UCKL1: variants seen among roughly 807,000 people sequenced by gnomAD.
The protein encoded by UCKL1 is uridine-cytidine kinase 1 like 1, also known as uridine-cytidine kinase-like 1.
In UCKL1, 65 loss-of-function variants were observed where a neutral mutation model predicts 59.2. The observed-to-expected ratio is 1.10, with a 90% CI of 0.90 to 1.35. UCKL1 has a LOEUF of 1.35. Ranked by LOEUF, UCKL1 falls within the 40% of genes most tolerant of loss-of-function variation. The pLI is 0.00. For synonymous variants in UCKL1, 410 were observed against 323.1 expected, an observed-to-expected ratio of 1.27 and a Z score of -2.88; for missense variants, 703 against 784.3, an observed-to-expected ratio of 0.90 and a Z score of 1.24.
chr20:63,951,767 G>C (rs530194787), intron 1 of UCKL1, among the ~76,000 whole-genome samples: 9 of 151,606 alleles, frequency 5.9e-5, no homozygotes, highest in Non-Finnish European at 8.8e-5. Flanking sequence ...CCACCTCCCC[G>C]CCCAGGGCTC....
chr20:63,943,011 C>T (rs1403898412), intron 8 of UCKL1, among the ~76,000 whole-genome samples: 2 of 152,182 alleles, frequency 1.3e-5, no homozygotes, highest in African/African-American at 4.8e-5. Flanking sequence ...TCAGGAGCCT[C>T]CCAACCCACA....
Position 63,944,624 on chromosome 20 carries a change from C to G in UCKL1, c.765G>C (p.Gln255His). 6.2e-7 allele frequency: 1 copy of G among 1,613,208 alleles called. No individual in the cohort carries two copies. Among genetic ancestry groups the G allele is most frequent in the Non-Finnish European group, 8.5e-7 (1 of 1,179,934 alleles). The change falls in exon 6 of 15, where the codon CAG (glutamine) becomes CAC (histidine). Residue 255 changes from glutamine (Q) to histidine (H), a missense_variant. Physicochemically the swap from Gln to His is conservative, Grantham distance 24. Coordinates refer to ENST00000354216, the MANE Select transcript of UCKL1 (RefSeq NM_017859.4). ...RGRDIEGVIK[Q>H]YNKFVKPSFD... ...AGGAGGGCTTGACAAACTTGTTGTA[C>G]TGCTTGATGACACCCTCGATGTCCC... is the stretch of plus-strand genomic sequence containing the variant.
chr20:63,950,834 G>C lies in UCKL1; in HGVS notation c.114-4191C>G, dbSNP rs1027237512. On this transcript the variant is annotated intron_variant, in intron 1 of 14. Coordinates refer to ENST00000354216, the MANE Select transcript of UCKL1 (RefSeq NM_017859.4). ...AGCTGGGGGGCTGCTCATGGTCGAG[G>C]ACACGGGTGGGTGCTCCTGAACAGC... 5 of 1,518,334 alleles carry C rather than the reference G, an allele frequency of 3.3e-6. No individual in the cohort carries two copies. In the African/African-American group the frequency reaches 7.0e-5, roughly 21 times the overall value. 94.1% of individuals were successfully genotyped at this position (1,518,334 alleles called of 1,614,324 possible). A position where few individuals can be genotyped will look rare whatever the true frequency, so the allele number is the denominator to read the frequency against.
At position 63,941,093 on chromosome 20, in the gene UCKL1, C is replaced by T. The variant is rs760907035; in HGVS notation, c.1022+17G>A. 5.3e-5 allele frequency: 85 copies of T among 1,598,802 alleles called. No individual in the cohort carries two copies. The highest frequency in any genetic ancestry group is 7.2e-5 in the Non-Finnish European group (85 of 1,174,184). Reference sequence around the variant, plus strand: ...AGCACGCGCCCGGGGCCGCCCCGTCCCCAGGTGGGCCCTCACCTGATGATG... The same window carrying T: ...AGCACGCGCCCGGGGCCGCCCCGTCTCCAGGTGGGCCCTCACCTGATGATG... On this transcript the variant is annotated intron_variant, in intron 9 of 14. Coordinates refer to ENST00000354216, the MANE Select transcript of UCKL1 (RefSeq NM_017859.4).
intron 1 of UCKL1, chr20:63,950,957 G>A: frequency 1.5e-6 from 2 of 1,310,794 alleles, no homozygotes; most frequent in Non-Finnish European, 1.9e-6. Flanking sequence ...GGGCAGCTCA[G>A]GAGCTCCGGC....
In UCKL1 at chr20:63,940,736, A is replaced by G. The variant is rs749206635; in HGVS notation, c.1180-20T>C. The G allele has an allele frequency of 1.9e-6, 3 of 1,607,140 alleles. No individual in the cohort carries two copies. The highest frequency in any genetic ancestry group is 8.5e-7 in the Non-Finnish European group (1 of 1,178,198). On this transcript the variant is annotated intron_variant, in intron 11 of 14. Coordinates refer to ENST00000354216, the MANE Select transcript of UCKL1 (RefSeq NM_017859.4). Reference sequence around the variant, plus strand: ...GGTGATCTGCGGGGAGGGGAGGCTAAGCGCCCACATCCCGCCCCAGCAGCC... The same window carrying G: ...GGTGATCTGCGGGGAGGGGAGGCTAGGCGCCCACATCCCGCCCCAGCAGCC...
rs1335786665 is a variant in UCKL1, at chr20:63,946,263, C to CAA, written c.307_308dup (p.Leu103PhefsTer16). ...TCTTCCCAGAGGCACTGCCGCCTCCCAAGCCTGCCGGCGGGAGTGGAGACC... is the reference window on the plus strand; with the variant it reads ...TCTTCCCAGAGGCACTGCCGCCTCCCAAAAGCCTGCCGGCGGGAGTGGAGACC... On this transcript the variant is annotated frameshift_variant, in exon 3 of 15. Transcript: ENST00000354216. LOFTEE classifies it high-confidence loss of function. 2 of 1,590,380 alleles carry CAA rather than the reference C, an allele frequency of 1.3e-6. No homozygotes were observed. Among genetic ancestry groups the CAA allele is most frequent in the South Asian group, 2.3e-5 (2 of 88,224 alleles).
At chr20:63,956,137 G>C (rs1569174732) in intron 1 of UCKL1, 123 bp downstream of exon 1, 7 of 968,518 alleles carry the variant, frequency 7.2e-6, no homozygotes, top group Non-Finnish European at 9.8e-6. Flanking sequence ...ACGGGGCGCC[G>C]CCGCCTGGCC....
intron 1 of UCKL1, among the ~76,000 whole-genome samples, chr20:63,948,004 G>A (rs191688611): frequency 1.9e-3 from 289 of 152,310 alleles, no homozygotes; most frequent in Admixed American, 3.2e-3. Context: ...GGGGTTGGGG[G>A]GGCATCAACG....
intron 1 of UCKL1, chr20:63,950,992 C>T (rs2057504037): frequency 3.1e-6 from 4 of 1,311,250 alleles, no homozygotes; most frequent in Non-Finnish European, 3.9e-6. Context: ...CTTCCATGGG[C>T]AGGACCACTC....
rs1443659253 is a variant in UCKL1, at chr20:63,940,830, C to A, written c.1143G>T (p.Gly381=). The A allele has an allele frequency of 1.3e-6, 2 of 1,564,608 alleles. No individual in the cohort carries two copies. Among genetic ancestry groups the A allele is most frequent in the African/African-American group, 2.7e-5 (2 of 74,316 alleles). The change falls in exon 11 of 15, where the codon GGG becomes GGT. Residue 381 remains glycine (G), a synonymous_variant. Transcript: ENST00000354216. ...CATAGCACTTGCCCGCATAGTCCTG[C>A]CCCTGCGGGGTCTGTACGACGCAGT... ...FQDCVVQTPQ[G]QDYAGKCYAG...
chr20:63,945,735 C>T lies in UCKL1; in HGVS notation c.583-13G>A, dbSNP rs144518719. On this transcript the variant is annotated splice_polypyrimidine_tract_variant and intron_variant, in intron 4 of 14. Transcript: ENST00000354216. ...CATACAGTGTTTTCTGTGAAGAAAC[C>T]CAGGAGTTGCGGAGCCTGGCTCATG... 1.3e-3 allele frequency: 2,152 copies of T among 1,612,868 alleles called. 16 individuals are homozygous for T. The African/African-American group carries it at 0.022, about 16-fold the overall frequency.
chr20:63,943,524 C>A, intron 8 of UCKL1, 129 bp downstream of exon 8: 1 of 1,371,060 alleles, frequency 7.3e-7, no homozygotes, highest in South Asian at 1.2e-5. Context: ...AGGGCTGGGA[C>A]CACTCCACAC....
chr20:63,951,442 G>A (rs2057575505), intron 1 of UCKL1, among the ~76,000 whole-genome samples: 1 of 152,190 alleles, frequency 6.6e-6, no homozygotes, highest in Non-Finnish European at 1.5e-5. Flanking sequence ...AGCAGGACAA[G>A]GATATCTGAG....
At chr20:63,942,393 G>C (rs891265580) in intron 8 of UCKL1, 13 of 1,174,932 alleles carry the variant, frequency 1.1e-5, no homozygotes, top group African/African-American at 1.6e-5. Flanking sequence ...GCAGGAAAGA[G>C]GGCCTAGCGG....
intron 6 of UCKL1, 21 bp from the exon 7 acceptor site, chr20:63,944,479 G>C (rs747203339): frequency 6.3e-7 from 1 of 1,575,552 alleles, no homozygotes; most frequent in African/African-American, 1.3e-5. Flanking sequence ...ATGGGGGGGC[G>C]GGTGACCGGG....
rs2054066217 is a variant in UCKL1 at position 63,940,459 on chromosome 20, G to A, written c.1329C>T (p.Asp443=). Residue 443 remains aspartate, a synonymous_variant, in exon 13 of 15, where the codon GAC becomes GAT. Coordinates refer to ENST00000354216, the MANE Select transcript of UCKL1 (RefSeq NM_017859.4). Reference sequence around the variant, plus strand: ...TGAGGATCACGTGGTCATCGCTGATGTCCTTGGGCAGCCTCAGGTAGTGGA... The same window carrying A: ...TGAGGATCACGTGGTCATCGCTGATATCCTTGGGCAGCCTCAGGTAGTGGA... ...PELHYLRLPK[D]ISDDHVILMD... The A allele has an allele frequency of 6.2e-7, 1 of 1,612,156 alleles. No individual in the cohort carries two copies. The highest frequency in any genetic ancestry group is 8.5e-7 in the Non-Finnish European group (1 of 1,179,774).
intron 7 of UCKL1, 117 bp from the exon 8 acceptor site, chr20:63,943,786 A>G: frequency 1.4e-6 from 2 of 1,465,316 alleles, no homozygotes; most frequent in Admixed American, 1.8e-5. Context: ...GGACACAGCC[A>G]GCCATGGGGG....
At position 63,946,449 on chromosome 20, in the gene UCKL1, T is replaced by C. The variant is rs2056247504; in HGVS notation, c.304+4A>G. The C allele has an allele frequency of 2.6e-6, 4 of 1,551,350 alleles. No homozygotes were observed. The highest frequency in any genetic ancestry group is 4.6e-5 in the East Asian group (2 of 43,762). On this transcript the variant is annotated splice_donor_region_variant and intron_variant, in intron 2 of 14. Coordinates refer to ENST00000354216, the MANE Select transcript of UCKL1 (RefSeq NM_017859.4). The stretch of plus-strand genomic sequence containing the variant: ...AGCAGGTCCCACCCCCCCGCTGCTC[T>C]CACCGATGGCGAAGGCCTCTTTGGA...
Sources: gnomAD v4.1 joint callset for allele counts (sites outside exome capture counted in the v4.1 genomes callset) on GRCh38, gnomAD v4.1.1 for gene constraint, MANE v1.5 for transcripts, NCBI Gene and HGNC (gene_info 2026-07-23, HGNC 2026-07-21) for gene names.